The following PCDH15 variants were observed in gnomAD, a reference collection of about 807,000 sequenced individuals.
PCDH15 encodes protocadherin-15.
A neutral mutation model predicts 178.5 loss-of-function variants in PCDH15; 129 were observed. The ratio of observed to expected loss-of-function variants is 0.72; its 90% CI spans 0.63 to 0.84. PCDH15 has a LOEUF of 0.84. Ranked by LOEUF, PCDH15 falls within the 40% of genes least tolerant of loss-of-function variation. The pLI is 0.00. For missense variants in PCDH15, 2,230 were observed against 2,099.9 expected, an observed-to-expected ratio of 1.06 and a Z score of -1.21; for synonymous variants, 800 against 732.0, an observed-to-expected ratio of 1.09 and a Z score of -1.50.
chr10:54,530,345 C>T lies in PCDH15; in HGVS notation c.92-2468G>A, dbSNP rs546663286. On this transcript the variant is annotated intron_variant, in intron 2 of 37. Transcript: ENST00000644397. ...ATCACCTCTTCTTGAAAATCCTTCT[C>T]GTTGTCATTCTAGATTAAGTCCTTA... 3.9e-5 allele frequency among the ~76,000 whole-genome samples: 6 copies of T among 152,226 alleles called. No individual in the cohort carries two copies. The South Asian group carries it at 1.0e-3, about 26-fold the overall frequency.
intron 2 of PCDH15, among the ~76,000 whole-genome samples, chr10:55,029,912 T>G (rs1409966505): frequency 6.6e-6 from 1 of 152,088 alleles, no homozygotes; most frequent in African/African-American, 2.4e-5. Flanking sequence ...TGAAAGAAAC[T>G]GAACTTTCCT....
At position 54,310,547 on chromosome 10, in the gene PCDH15, A is replaced by G. The variant is rs1420524352; in HGVS notation, c.876+6724T>C. Among the ~76,000 whole-genome samples the G allele has an allele frequency of 2.0e-5, 3 of 152,192 alleles. No homozygotes were observed. The East Asian group carries it at 5.8e-4, about 30-fold the overall frequency. ...AACAATACATAGTAAGTATGGATACATTAGAATTGGATAGAAAGAATAATG... is the reference window on the plus strand; with the variant it reads ...AACAATACATAGTAAGTATGGATACGTTAGAATTGGATAGAAAGAATAATG... On this transcript the variant is annotated intron_variant, in intron 8 of 37. Coordinates refer to ENST00000644397, the MANE Select transcript of PCDH15 (RefSeq NM_001384140.1).
intron 26 of PCDH15, among the ~76,000 whole-genome samples, chr10:53,877,158 T>G (rs2133286786): frequency 6.6e-6 from 1 of 152,266 alleles, no homozygotes; most frequent in South Asian, 2.1e-4. Context: ...TTTTTTATTT[T>G]TTCCTTTCTT....
chr10:54,802,783 T>C (rs1952705682), upstream of PCDH15, among the ~76,000 whole-genome samples: 1 of 152,176 alleles, frequency 6.6e-6, no homozygotes, highest in African/African-American at 2.4e-5. Context: ...TTAAGTGTAG[T>C]TATTTTTCTA....
intron 1 of PCDH15, among the ~76,000 whole-genome samples, chr10:54,675,859 G>A (rs1418873889): frequency 1.3e-5 from 2 of 152,082 alleles, no homozygotes; most frequent in African/African-American, 4.8e-5. Flanking sequence ...TAGCATTGAT[G>A]TTTTGAATGA....
At chr10:54,810,481 C>T (rs1952845029) in intron 3 of PCDH15, among the ~76,000 whole-genome samples, 1 of 152,036 alleles carries the variant, frequency 6.6e-6, no homozygotes. Flanking sequence ...TATTGTACAT[C>T]TTTCTAGACG....
chr10:55,599,832 A>C, intron 2 of PCDH15: 3 of 941,276 alleles, frequency 3.2e-6, no homozygotes, highest in Non-Finnish European at 4.6e-6. Flanking sequence ...CATATGTTTA[A>C]GGGTTGCGGT....
At chr10:54,214,340 G>A (rs1013175520) in intron 9 of PCDH15, among the ~76,000 whole-genome samples, 2 of 151,928 alleles carry the variant, frequency 1.3e-5, no homozygotes, top group African/African-American at 4.8e-5. Context: ...TTAAGTGGAG[G>A]GAGAGTAAAT....
chr10:55,134,857 A>ACAGATAGGATTTCTC (rs1237453566), intron 2 of PCDH15, among the ~76,000 whole-genome samples: 2 of 152,180 alleles, frequency 1.3e-5, no homozygotes, highest in African/African-American at 4.8e-5. Flanking sequence ...TGACAAGGCC[A>ACAGATAGGATTTCTC]CAGATAGGAT....
At chr10:54,049,154 T>G (rs1423790029) in intron 18 of PCDH15, among the ~76,000 whole-genome samples, 1 of 152,198 alleles carries the variant, frequency 6.6e-6, no homozygotes, top group Non-Finnish European at 1.5e-5. Context: ...ATTGCACACT[T>G]GATTTGGCTC....
chr10:55,528,299 C>T (rs1397150655), intron 2 of PCDH15, among the ~76,000 whole-genome samples: 2 of 151,764 alleles, frequency 1.3e-5, no homozygotes, highest in Non-Finnish European at 2.9e-5. Flanking sequence ...CATATGTATA[C>T]ATGTGCCATG....
chr10:54,831,987 G>C (rs911821036), intron 3 of PCDH15, among the ~76,000 whole-genome samples: 5 of 152,048 alleles, frequency 3.3e-5, no homozygotes, highest in African/African-American at 4.8e-5. Flanking sequence ...ATAAATATTT[G>C]TATGTCTATT....
intron 9 of PCDH15, among the ~76,000 whole-genome samples, chr10:54,232,298 G>A (rs1263640487): frequency 4.6e-5 from 7 of 152,086 alleles, no homozygotes; most frequent in East Asian, 1.9e-4. Context: ...CGTAAGATGC[G>A]CCAACTTCCC....
At chr10:54,266,464 G>C (rs2057697562) in intron 8 of PCDH15, among the ~76,000 whole-genome samples, 1 of 151,388 alleles carries the variant, frequency 6.6e-6, no homozygotes, top group South Asian at 2.1e-4. Flanking sequence ...AATAAGAACA[G>C]GACTGAACAA....
chr10:54,618,728 T>C (rs1309231574), intron 2 of PCDH15, among the ~76,000 whole-genome samples: 1 of 152,142 alleles, frequency 6.6e-6, no homozygotes, highest in Non-Finnish European at 1.5e-5. Flanking sequence ...CTACATGTTA[T>C]ATATTTCTAG....
At chr10:54,487,889 A>G (rs1359079815) in intron 3 of PCDH15, among the ~76,000 whole-genome samples, 4 of 151,922 alleles carry the variant, frequency 2.6e-5, no homozygotes, top group African/African-American at 7.2e-5. Context: ...AAAAATGCAT[A>G]TATACACAAA....
intron 8 of PCDH15, among the ~76,000 whole-genome samples, chr10:54,288,552 G>A (rs988090798): frequency 1.3e-5 from 2 of 152,252 alleles, no homozygotes; most frequent in African/African-American, 4.8e-5. Flanking sequence ...GCCACAGCAG[G>A]GTGGGGTGTC....
At chr10:55,363,149 T>C (rs1044212507) in intron 2 of PCDH15, among the ~76,000 whole-genome samples, 1 of 152,148 alleles carries the variant, frequency 6.6e-6, no homozygotes. Context: ...CTCAGCATAA[T>C]TTCCTAGAGA....
chr10:54,864,972 A>G (rs965854962), intron 3 of PCDH15, among the ~76,000 whole-genome samples: 2 of 152,170 alleles, frequency 1.3e-5, no homozygotes, highest in Non-Finnish European at 2.9e-5. Context: ...GAACATAGAG[A>G]TCATAGGCAG....
Sources: allele counts gnomAD v4.1 joint callset (sites outside exome capture counted in the v4.1 genomes callset), GRCh38; gene constraint gnomAD v4.1.1; transcripts MANE v1.5; gene names NCBI Gene and HGNC (gene_info 2026-07-23, HGNC 2026-07-21).